GPC3: variants seen among roughly 807,000 people sequenced by gnomAD.
The protein encoded by GPC3 is glypican-3.
GPC3 carries 3 observed loss-of-function variants against 34.4 expected under a neutral mutation model. That is an observed-to-expected ratio of 0.09 (90% CI 0.04 to 0.23). The LOEUF (loss-of-function observed/expected upper bound fraction) is 0.23. GPC3 is among the 10% of genes least tolerant of loss of function. GPC3 has a pLI of 1.00. For synonymous variants in GPC3, 177 were observed against 174.0 expected (o/e 1.02, Z -0.13); for missense variants, 351 against 445.6 (o/e 0.79, Z 1.91).
At chrX:133,788,976 G>A (rs2072135269) in intron 2 of GPC3, among the ~76,000 whole-genome samples, 1 of 110,680 alleles carries the variant, frequency 9.0e-6, no homozygotes, top group Non-Finnish European at 1.9e-5. Context: ...AAGGAAGGCT[G>A]ACAGACCAGG....
chrX:133,642,772 C>CAAAAAAAAAAAAAA (rs375514321), intron 6 of GPC3, among the ~76,000 whole-genome samples: 1 of 25,789 alleles, frequency 3.9e-5, no homozygotes, highest in Non-Finnish European at 1.0e-4. Flanking sequence ...AACTACGTCT[C>CAAAAAAAAAAAAAA]AAAAAAAAAA....
intron 2 of GPC3, among the ~76,000 whole-genome samples, chrX:133,862,789 C>T (rs997288329): frequency 8.9e-6 from 1 of 112,560 alleles, no homozygotes; most frequent in African/African-American, 3.2e-5. Context: ...TATGGTCGTG[C>T]CTTGCACAAC....
chrX:133,575,595 C>T (rs942424149), intron 7 of GPC3, among the ~76,000 whole-genome samples: 2 of 111,884 alleles, frequency 1.8e-5, no homozygotes, highest in African/African-American at 3.3e-5. Context: ...GGCCTCTAGC[C>T]TGGCTGCTTG....
At chrX:133,958,002 G>A (rs1363341753) in intron 1 of GPC3, among the ~76,000 whole-genome samples, 1 of 111,175 alleles carries the variant, frequency 9.0e-6, no homozygotes, top group South Asian at 3.8e-4. Context: ...ATTCCCAGAC[G>A]CTAAAAAAAT....
At chrX:133,788,859 A>C (rs1254248311) in intron 2 of GPC3, among the ~76,000 whole-genome samples, 1 of 109,453 alleles carries the variant, frequency 9.1e-6, no homozygotes, top group African/African-American at 3.3e-5. Flanking sequence ...GCAGACACTG[A>C]GGCTCAGAGA....
chrX:133,601,165 T>C (rs1031697412), intron 6 of GPC3, among the ~76,000 whole-genome samples: 1 of 111,921 alleles, frequency 8.9e-6, no homozygotes, highest in Non-Finnish European at 1.9e-5. Flanking sequence ...CTATCACAGT[T>C]GCCTAAGCAT....
intron 6 of GPC3, among the ~76,000 whole-genome samples, chrX:133,616,821 C>G (rs2070170272): frequency 9.2e-6 from 1 of 108,122 alleles, no homozygotes; most frequent in Non-Finnish European, 1.9e-5. Context: ...CCTCAGCCTC[C>G]CGAGTAGCTG....
chrX:133,608,799 G>A (rs773010237), intron 6 of GPC3, among the ~76,000 whole-genome samples: 1 of 111,525 alleles, frequency 9.0e-6, no homozygotes, highest in African/African-American at 3.3e-5. Flanking sequence ...ATAGGTTTTC[G>A]GTGAGAGCAG....
chrX:133,663,413 C>G (rs1413710714), intron 5 of GPC3, among the ~76,000 whole-genome samples: 1 of 111,539 alleles, frequency 9.0e-6, no homozygotes, highest in African/African-American at 3.2e-5. Flanking sequence ...GTGTGAGCCA[C>G]CGAGCCTGGC....
intron 7 of GPC3, among the ~76,000 whole-genome samples, chrX:133,550,107 C>T (rs1312155158): frequency 9.3e-6 from 1 of 107,386 alleles, no homozygotes; most frequent in African/African-American, 3.4e-5. Context: ...CCTCTGCCTC[C>T]CGGGTTCAAG....
chrX:133,815,469 G>GTTTGTT (rs373342845), intron 2 of GPC3, among the ~76,000 whole-genome samples: 1,488 of 109,385 alleles, frequency 0.014, 26 homozygotes, highest in African/African-American at 0.044. Flanking sequence ...AAGGAGTCAG[G>GTTTGTT]TTTGTTTTTG....
intron 2 of GPC3, among the ~76,000 whole-genome samples, chrX:133,905,924 G>A (rs2076165928): frequency 8.9e-6 from 1 of 111,970 alleles, no homozygotes; most frequent in Non-Finnish European, 1.9e-5. Context: ...ACCTTAATAT[G>A]TCATAAACAT....
At position 133,927,511 on chromosome X, in the gene GPC3, C is replaced by T. The variant is rs770315628; in HGVS notation, c.337+25539G>A. 2.4e-4 allele frequency among the ~76,000 whole-genome samples: 26 copies of T among 109,553 alleles called. No homozygotes were observed. In the East Asian group the frequency reaches 7.2e-3, roughly 30 times the overall value. ...TTTTTCTTTTCTAGACAGTCTCCCT[C>T]TGTCACCCAGGCTGGAGTGCCTTGA... On this transcript the variant is annotated intron_variant, in intron 2 of 7. Coordinates refer to ENST00000370818, the MANE Select transcript of GPC3 (RefSeq NM_004484.4).
At chrX:133,788,093 TA>T (rs2072121954) in intron 2 of GPC3, among the ~76,000 whole-genome samples, 1 of 33,077 alleles carries the variant, frequency 3.0e-5, no homozygotes, top group Admixed American at 2.4e-4. Context: ...TTATTTTATA[TA>T]TATATATATA....
intron 2 of GPC3, among the ~76,000 whole-genome samples, chrX:133,755,802 C>A (rs931521967): frequency 4.5e-5 from 5 of 112,199 alleles, no homozygotes; most frequent in African/African-American, 1.6e-4. Flanking sequence ...TCTCCAAACT[C>A]CACATGCTAC....
intron 1 of GPC3, among the ~76,000 whole-genome samples, chrX:133,974,130 A>G (rs181501147): frequency 5.8e-4 from 65 of 112,000 alleles, no homozygotes; most frequent in African/African-American, 2.0e-3. Flanking sequence ...AGCTCACTGC[A>G]ACCTCTGCCT....
intron 3 of GPC3, among the ~76,000 whole-genome samples, chrX:133,705,075 C>G (rs748798779): frequency 6.2e-5 from 7 of 112,050 alleles, no homozygotes; most frequent in Admixed American, 2.8e-4. Flanking sequence ...ACCAACACTT[C>G]ACGTTTCTTA....
chrX:133,739,239 C>G (rs1450151280), intron 3 of GPC3, among the ~76,000 whole-genome samples: 1 of 111,268 alleles, frequency 9.0e-6, no homozygotes, highest in African/African-American at 3.3e-5. Context: ...CAGCTCCTGA[C>G]ATAGGGCCTT....
At chrX:133,553,655 A>T (rs1247746125) in intron 7 of GPC3, among the ~76,000 whole-genome samples, 1 of 111,556 alleles carries the variant, frequency 9.0e-6, no homozygotes, top group Non-Finnish European at 1.9e-5. Context: ...CTTTTCCCAA[A>T]CCATTTAGGA....
Sources: allele counts gnomAD v4.1 joint callset (sites outside exome capture counted in the v4.1 genomes callset), GRCh38; gene constraint gnomAD v4.1.1; transcripts MANE v1.5; gene names NCBI Gene and HGNC (gene_info 2026-07-23, HGNC 2026-07-21).